Variants in RAF1 observed in about 807,000 individuals in gnomAD.
The protein encoded by RAF1 is Raf-1 proto-oncogene, serine/threonine kinase, also known as RAF proto-oncogene serine/threonine-protein kinase.
RAF1 carries 27 observed loss-of-function variants against 81.1 expected under a neutral mutation model. The observed-to-expected ratio is 0.33, with a 90% CI of 0.25 to 0.46. The LOEUF (loss-of-function observed/expected upper bound fraction) is 0.46. Ranked by LOEUF, RAF1 falls within the 20% of genes least tolerant of loss-of-function variation. The pLI, the probability that RAF1 is intolerant of heterozygous loss-of-function variation, is 1.00. For missense variants in RAF1, 598 were observed against 826.0 expected (o/e 0.72, Z 3.38); for synonymous variants, 298 against 294.0 (o/e 1.01, Z -0.14).
intron 1 of RAF1, among the ~76,000 whole-genome samples, chr3:12,649,357 G>T (rs1327258018): frequency 6.6e-6 from 1 of 152,062 alleles, no homozygotes; most frequent in Non-Finnish European, 1.5e-5. Flanking sequence ...CAGTAATTTG[G>T]GAAATCAAAG....
intron 1 of RAF1, among the ~76,000 whole-genome samples, chr3:12,663,359 C>T (rs1340268071): frequency 6.6e-6 from 1 of 152,230 alleles, no homozygotes; most frequent in African/African-American, 2.4e-5. Context: ...CCAGTTTCCT[C>T]CTCTCTTACC....
chr3:12,656,613 T>C (rs2060701834), intron 1 of RAF1, among the ~76,000 whole-genome samples: 1 of 152,134 alleles, frequency 6.6e-6, no homozygotes. Context: ...TGGAGATATA[T>C]AAAAAAGGAT....
intron 1 of RAF1, among the ~76,000 whole-genome samples, chr3:12,632,373 T>C (rs1007684285): frequency 6.7e-6 from 1 of 150,298 alleles, no homozygotes; most frequent in African/African-American, 2.4e-5. Flanking sequence ...CAAAATAAAC[T>C]TATTTTCTGA....
In RAF1 at chr3:12,584,230, C is replaced by T; in HGVS notation, c.*284G>A. 1 of 488,426 alleles carries T rather than the reference C, an allele frequency of 2.0e-6. No homozygotes were observed. Among genetic ancestry groups the T allele is most frequent in the South Asian group, 2.2e-5 (1 of 45,366 alleles). 30.3% of individuals were successfully genotyped at this position (488,426 alleles called of 1,614,324 possible). A position where few individuals can be genotyped will look rare whatever the true frequency, so the allele number is the denominator to read the frequency against. On this transcript the variant is annotated 3_prime_UTR_variant, in exon 18 of 18. Coordinates refer to ENST00000442415, the MANE Select transcript of RAF1 (RefSeq NM_001354689.3). Reference sequence around the variant, plus strand: ...GGCTGGGCCCCTGCTTTTTGTACTACCATCAACATCCACTTGCGCATCTAC... The same window carrying T: ...GGCTGGGCCCCTGCTTTTTGTACTATCATCAACATCCACTTGCGCATCTAC...
chr3:12,612,439 A>C (rs938786987), intron 2 of RAF1, among the ~76,000 whole-genome samples: 2 of 152,156 alleles, frequency 1.3e-5, no homozygotes, highest in African/African-American at 4.8e-5. Context: ...ACCTGAGGTC[A>C]GGAGTACGAG....
chr3:12,609,455 A>C lies in RAF1; in HGVS notation c.321-120T>G, dbSNP rs5746202. 542 of 702,902 alleles carry C rather than the reference A, an allele frequency of 7.7e-4. 3 individuals carry two copies. In the Admixed American group the frequency reaches 8.3e-3, roughly 11 times the overall value. 43.5% of individuals were successfully genotyped at this position (702,902 alleles called of 1,614,324 possible). A position where few individuals can be genotyped will look rare whatever the true frequency, so the allele number is the denominator to read the frequency against. ...ACAACTTTATTTAATCCATACAACA[A>C]TAATTTATTTAATTCATACAACAAA... On this transcript the variant is annotated intron_variant, in intron 3 of 17. Coordinates refer to ENST00000442415, the MANE Select transcript of RAF1 (RefSeq NM_001354689.3).
chr3:12,617,706 T>A (rs535010228), intron 2 of RAF1, among the ~76,000 whole-genome samples: 1 of 151,490 alleles, frequency 6.6e-6, no homozygotes, highest in South Asian at 2.1e-4. Context: ...GTTAACATGG[T>A]GAAACCCCGT....
intron 3 of RAF1, among the ~76,000 whole-genome samples, chr3:12,610,139 G>A (rs2059163698): frequency 6.6e-6 from 1 of 152,094 alleles, no homozygotes; most frequent in Non-Finnish European, 1.5e-5. Context: ...AAAAAGTAAT[G>A]CCCAATTCCT....
intron 1 of RAF1, among the ~76,000 whole-genome samples, chr3:12,629,563 T>C (rs2059804679): frequency 6.6e-6 from 1 of 152,154 alleles, no homozygotes; most frequent in African/African-American, 2.4e-5. Flanking sequence ...CTATGGACCA[T>C]AAAGGTTAAG....
intron 1 of RAF1, among the ~76,000 whole-genome samples, chr3:12,626,988 C>A (rs1338409164): frequency 6.9e-6 from 1 of 145,486 alleles, no homozygotes; most frequent in East Asian, 2.0e-4. Context: ...TGTGCCATTG[C>A]ACTCCAGCCT....
At chr3:12,598,742 A>C (rs867663785) in intron 11 of RAF1, among the ~76,000 whole-genome samples, 2 of 149,088 alleles carry the variant, frequency 1.3e-5, no homozygotes, top group South Asian at 2.1e-4. Flanking sequence ...AAAAAAAAAA[A>C]AAAAAAAAAA....
Position 12,663,899 on chromosome 3 carries a change from G to A in RAF1, c.-113C>T, listed in dbSNP as rs1003154608. On this transcript the variant is annotated 5_prime_UTR_variant, in exon 1 of 18. Coordinates refer to ENST00000442415, the MANE Select transcript of RAF1 (RefSeq NM_001354689.3). The stretch of plus-strand genomic sequence containing the variant: ...CTCCCCGCGGCGGGTGAGGGAGCGG[G>A]AGGCGGTCACATTCGGCGCGTCCCC... The A allele has an allele frequency of 3.8e-5, 15 of 398,054 alleles. No homozygotes were observed. Among genetic ancestry groups the A allele is most frequent in the African/African-American group, 8.2e-5 (4 of 48,596 alleles). 24.7% of individuals were successfully genotyped at this position (398,054 alleles called of 1,614,324 possible).
chr3:12,591,617 C>A, intron 12 of RAF1, 91 bp downstream of exon 11: 1 of 1,189,374 alleles, frequency 8.4e-7, no homozygotes, highest in Non-Finnish European at 1.3e-6. Flanking sequence ...GCCTGCCCGT[C>A]CCAACCTGCG....
rs144352690 is a variant in RAF1 at position 12,632,274 on chromosome 3, A to T, written c.-26-13527T>A. On this transcript the variant is annotated intron_variant, in intron 1 of 17. Transcript: ENST00000442415. ...GGGAGGCAGAGGTTGCAGTGAGCCGAGATTGCACCGTTGCACTCCAGCCTG... is the reference window on the plus strand; with the variant it reads ...GGGAGGCAGAGGTTGCAGTGAGCCGTGATTGCACCGTTGCACTCCAGCCTG... Among the ~76,000 whole-genome samples, 700 of 148,586 alleles carry T rather than the reference A, an allele frequency of 4.7e-3. 8 individuals are homozygous for T. Among genetic ancestry groups the T allele is most frequent in the African/African-American group, 0.016 (649 of 40,404 alleles).
In RAF1 at chr3:12,596,774, G is replaced by A. The variant is rs532713904; in HGVS notation, c.1168+2917C>T. 6.6e-5 allele frequency among the ~76,000 whole-genome samples: 10 copies of A among 152,270 alleles called. No individual in the cohort carries two copies. The South Asian group carries it at 1.9e-3, about 28-fold the overall frequency. On this transcript the variant is annotated intron_variant, in intron 11 of 17. Transcript: ENST00000442415. ...TTGCACAAAACAATCTAGAAGTTAT[G>A]TTTCCTGGACCACTCATTTTTCTTC... is the stretch of plus-strand genomic sequence containing the variant.
chr3:12,663,264 T>C (rs1197369871), intron 1 of RAF1, among the ~76,000 whole-genome samples: 2 of 152,116 alleles, frequency 1.3e-5, no homozygotes, highest in South Asian at 4.1e-4. Context: ...TCCCAAACCT[T>C]TCATTAATAA....
chr3:12,629,677 G>C (rs538329334), intron 1 of RAF1, among the ~76,000 whole-genome samples: 89 of 152,310 alleles, frequency 5.8e-4, no homozygotes, highest in Non-Finnish European at 1.0e-3. Flanking sequence ...TGGGAGAGGC[G>C]GTTCCTAAGA....
At chr3:12,646,787 G>A (rs970126731) in intron 1 of RAF1, among the ~76,000 whole-genome samples, 5 of 151,506 alleles carry the variant, frequency 3.3e-5, no homozygotes, top group Non-Finnish European at 7.4e-5. Flanking sequence ...CTGACCTCAG[G>A]AGCCACCTGC....
At chr3:12,587,513 C>T (rs2058366142) in intron 14 of RAF1, 78 bp downstream of exon 13, 3 of 1,345,702 alleles carry the variant, frequency 2.2e-6, no homozygotes, top group East Asian at 2.3e-5. Flanking sequence ...CCGAGAGCCA[C>T]TTGTGATAGA....
Sources: allele counts gnomAD v4.1 joint callset (sites outside exome capture counted in the v4.1 genomes callset), GRCh38; gene constraint gnomAD v4.1.1; transcripts MANE v1.5; gene names NCBI Gene and HGNC (gene_info 2026-07-23, HGNC 2026-07-21).